Variants in ADCY10 observed in about 807,000 individuals in gnomAD.
The protein encoded by ADCY10 is adenylate cyclase type 10.
A neutral mutation model predicts 183.3 loss-of-function variants in ADCY10; 156 were observed. The observed-to-expected ratio is 0.85, with a 90% CI of 0.75 to 0.97. The LOEUF is 0.97. Among genes scored for constraint, ADCY10 ranks in the 50% least tolerant of loss-of-function variants. ADCY10 has a pLI of 0.00. For missense variants in ADCY10, 1,745 were observed against 1,934.3 expected (o/e 0.90, Z 1.84); for synonymous variants, 645 against 670.0 (o/e 0.96, Z 0.58).
rs1003814279 is a variant in ADCY10, at chr1:167,834,082, A to G, written c.3310-5T>C. 4.4e-6 allele frequency: 7 copies of G among 1,607,326 alleles called. No individual in the cohort carries two copies. Among genetic ancestry groups the G allele is most frequent in the Non-Finnish European group, 6.0e-6 (7 of 1,173,922 alleles). On this transcript the variant is annotated splice_polypyrimidine_tract_variant and splice_region_variant and intron_variant, in intron 23 of 32. Coordinates refer to ENST00000367851, the MANE Select transcript of ADCY10 (RefSeq NM_018417.6). ...TTCATTCAAATACATGTATGCCTGT[A>G]ACCAGCCCAAGGAGTAGAAAAGTGT...
chr1:167,872,857 A>G lies in ADCY10; in HGVS notation c.1462+2274T>C, dbSNP rs555258767. 1.1e-4 allele frequency among the ~76,000 whole-genome samples: 17 copies of G among 151,010 alleles called. No homozygotes were observed. In the South Asian group the frequency reaches 3.2e-3, roughly 28 times the overall value. On this transcript the variant is annotated intron_variant, in intron 13 of 32. Coordinates refer to ENST00000367851, the MANE Select transcript of ADCY10 (RefSeq NM_018417.6). ...GAGGCCAAGGCGGGCAGATCACGAG[A>G]TCAGGAGTTCAAGACCAGCCTGGCC...
intron 5 of ADCY10, 115 bp downstream of exon 5, chr1:167,901,547 G>C: frequency 9.4e-7 from 1 of 1,061,380 alleles, no homozygotes; most frequent in Admixed American, 1.7e-5. Context: ...AAAGTTCAGG[G>C]CATCATGGGG....
Position 167,861,054 on chromosome 1 carries a change from G to A in ADCY10, c.1626C>T (p.Ala542=). 4.3e-6 allele frequency: 7 copies of A among 1,613,764 alleles called. No individual in the cohort carries two copies. Among genetic ancestry groups the A allele is most frequent in the Non-Finnish European group, 5.9e-6 (7 of 1,179,762 alleles). ...LAQGKNHRII[A]ISLNKISFHQ... is the part of the protein sequence containing the mutation. ...GGAAGCTGATCTTATTCAATGAAATGGCAATAATCCTGTTTGTGAGAAAAT... is the reference window on the plus strand; with the variant it reads ...GGAAGCTGATCTTATTCAATGAAATAGCAATAATCCTGTTTGTGAGAAAAT... The change falls in exon 15 of 33, where the codon GCC becomes GCT. Residue 542 remains alanine (A), a synonymous_variant. Transcript: ENST00000367851.
At chr1:167,902,388 A>G (rs1669494859) in intron 3 of ADCY10, among the ~76,000 whole-genome samples, 1 of 152,202 alleles carries the variant, frequency 6.6e-6, no homozygotes, top group African/African-American at 2.4e-5. Context: ...ATTGATCAAT[A>G]TATGTTATAG....
At chr1:167,848,554 A>G (rs572307286) in intron 18 of ADCY10, 65 bp from the exon 19 acceptor site, 780 of 1,597,210 alleles carry the variant, frequency 4.9e-4, no homozygotes, top group Non-Finnish European at 6.1e-4. Flanking sequence ...CTGATTTTCC[A>G]ATGAACTTTG....
chr1:167,878,634 G>A lies in ADCY10; in HGVS notation c.1218C>T (p.Val406=). The A allele has an allele frequency of 6.2e-7, 1 of 1,613,802 alleles. No homozygotes were observed. Among genetic ancestry groups the A allele is most frequent in the Non-Finnish European group, 8.5e-7 (1 of 1,179,884 alleles). ...VGHTVRHEYT[V]IGQKVNLAAR... ...CAGCTAAGTTGACTTTTTGACCAAT[G>A]ACTATAGCAAGAAAGAGAAAGTCAA... Residue 406 remains valine (V), a splice_region_variant and synonymous_variant, in exon 12 of 33, where the codon GTC becomes GTT. Coordinates refer to ENST00000367851, the MANE Select transcript of ADCY10 (RefSeq NM_018417.6).
At chr1:167,826,248 C>T (rs1663279198) in intron 26 of ADCY10, among the ~76,000 whole-genome samples, 2 of 152,194 alleles carry the variant, frequency 1.3e-5, no homozygotes, top group Non-Finnish European at 2.9e-5. Context: ...AAGTGTTGGG[C>T]ACGAGAAATC....
chr1:167,873,436 CAG>C (rs1384807168), intron 13 of ADCY10, among the ~76,000 whole-genome samples: 2 of 152,160 alleles, frequency 1.3e-5, no homozygotes, highest in Non-Finnish European at 2.9e-5. Context: ...AAGTGTGAGA[CAG>C]AGCCTCCTCT....
rs548779078 is a variant in ADCY10, at chr1:167,848,791, G to A, written c.2309-302C>T. Among the ~76,000 whole-genome samples, 3 of 152,164 alleles carry A rather than the reference G, an allele frequency of 2.0e-5. No homozygotes were observed. In the South Asian group the frequency reaches 6.2e-4, roughly 32 times the overall value. ...AGCCTCCCAAGTAGCTGGGATTACAGCCGCCCACTACCATGCCTGGCTAAT... is the reference window on the plus strand; with the variant it reads ...AGCCTCCCAAGTAGCTGGGATTACAACCGCCCACTACCATGCCTGGCTAAT... On this transcript the variant is annotated intron_variant, in intron 18 of 32. Transcript: ENST00000367851.
intron 32 of ADCY10, 92 bp from the exon 33 acceptor site, chr1:167,809,931 T>G: frequency 7.3e-7 from 1 of 1,362,074 alleles, no homozygotes; most frequent in Non-Finnish European, 1.0e-6. Flanking sequence ...CAAAACATCT[T>G]TGGTAAAAAC....
intron 4 of ADCY10, 28 bp downstream of exon 4, chr1:167,901,988 C>A: frequency 6.2e-7 from 1 of 1,613,558 alleles, no homozygotes; most frequent in Non-Finnish European, 8.5e-7. Context: ...TCCTTTCTTA[C>A]CCCTTCTATC....
chr1:167,863,175 T>A (rs564164648), intron 14 of ADCY10, among the ~76,000 whole-genome samples: 126 of 152,280 alleles, frequency 8.3e-4, no homozygotes, highest in Admixed American at 3.9e-3. Flanking sequence ...GCCCGGCGCC[T>A]AGGAACCAGA....
chr1:167,820,131 G>A, intron 30 of ADCY10: 1 of 1,554,666 alleles, frequency 6.4e-7, no homozygotes, highest in Non-Finnish European at 8.7e-7. Flanking sequence ...CCATGACTCA[G>A]CTTTTTGGAT....
At chr1:167,809,982 C>G (rs1387797710) in intron 32 of ADCY10, 143 bp from the exon 33 acceptor site, 8 of 777,330 alleles carry the variant, frequency 1.0e-5, no homozygotes, top group Non-Finnish European at 1.7e-5. Context: ...GCTGTCCAAA[C>G]TAGGATACTG....
intron 1 of ADCY10, among the ~76,000 whole-genome samples, chr1:167,907,119 G>A (rs1270417716): frequency 2.0e-5 from 3 of 152,160 alleles, no homozygotes; most frequent in Non-Finnish European, 4.4e-5. Context: ...TATATCTACA[G>A]ATACTGAAAG....
intron 11 of ADCY10, among the ~76,000 whole-genome samples, chr1:167,879,058 A>G (rs1200975600): frequency 6.6e-6 from 1 of 152,090 alleles, no homozygotes; most frequent in Admixed American, 6.5e-5. Context: ...CTATGAATAA[A>G]CCTTCATTTG....
intron 2 of ADCY10, 77 bp from the exon 3 acceptor site, chr1:167,904,068 G>A: frequency 1.1e-6 from 1 of 886,386 alleles, no homozygotes; most frequent in Non-Finnish European, 1.8e-6. Context: ...ACCCTGGAAG[G>A]CAGCGGGCCT....
At chr1:167,858,274 C>T (rs894832506) in intron 16 of ADCY10, among the ~76,000 whole-genome samples, 1 of 151,726 alleles carries the variant, frequency 6.6e-6, no homozygotes, top group African/African-American at 2.4e-5. Context: ...CTGAGATGGG[C>T]GGATCACAAG....
Position 167,829,497 on chromosome 1 carries a change from A to C in ADCY10, c.3594-74T>G, listed in dbSNP as rs1008740562. ...CCATGATTTAGGGGAGCACAGGTAC[A>C]TGGTGTCCTCACTATGGGCCTGGGA... On this transcript the variant is annotated intron_variant, in intron 25 of 32. Coordinates refer to ENST00000367851, the MANE Select transcript of ADCY10 (RefSeq NM_018417.6). The C allele has an allele frequency of 3.2e-6, 5 of 1,572,974 alleles. No homozygotes were observed. In the African/African-American group the frequency reaches 5.4e-5, roughly 17 times the overall value.
Sources: allele counts gnomAD v4.1 joint callset (sites outside exome capture counted in the v4.1 genomes callset), GRCh38; gene constraint gnomAD v4.1.1; transcripts MANE v1.5; gene names NCBI Gene and HGNC (gene_info 2026-07-23, HGNC 2026-07-21).